The following CADPS2 variants were observed in gnomAD, a reference collection of about 807,000 sequenced individuals.
CADPS2 encodes calcium-dependent secretion activator 2.
CADPS2 carries 93 observed loss-of-function variants against 172.5 expected under a neutral mutation model. The observed-to-expected ratio is 0.54, with a 90% confidence interval of 0.46 to 0.64. CADPS2 has a LOEUF of 0.64. Ranked by LOEUF, CADPS2 falls within the 30% of genes least tolerant of loss-of-function variation. The pLI is 0.00. For synonymous variants in CADPS2, 546 were observed against 555.2 expected (o/e 0.98, Z 0.23); for missense variants, 1,420 against 1,565.9 (o/e 0.91, Z 1.57).
chr7:122,826,126 G>C (rs13245411), intron 1 of CADPS2, among the ~76,000 whole-genome samples: 28,496 of 151,992 alleles, frequency 0.19, 2,797 homozygotes, highest in Middle Eastern at 0.27. Context: ...GTGGAGAGTA[G>C]CGACTTTCAT....
At chr7:122,859,004 TA>T (rs944182499) in intron 1 of CADPS2, among the ~76,000 whole-genome samples, 9 of 151,670 alleles carry the variant, frequency 5.9e-5, no homozygotes, top group East Asian at 3.8e-4. Flanking sequence ...GCCAGGCATA[TA>T]AAAAAAAATT....
chr7:122,367,744 A>G (rs2041158969), intron 25 of CADPS2, among the ~76,000 whole-genome samples: 1 of 142,884 alleles, frequency 7.0e-6, no homozygotes, highest in East Asian at 2.0e-4. Context: ...TTTTTGCTTA[A>G]AACAATAAAA....
At chr7:122,732,662 TAA>T (rs940340877) in intron 2 of CADPS2, among the ~76,000 whole-genome samples, 3 of 145,744 alleles carry the variant, frequency 2.1e-5, no homozygotes, top group Non-Finnish European at 4.5e-5. Context: ...TATTTGTGTA[TAA>T]TATATATTAT....
At chr7:122,461,196 G>A (rs186362194) in intron 14 of CADPS2, among the ~76,000 whole-genome samples, 6 of 152,266 alleles carry the variant, frequency 3.9e-5, no homozygotes, top group East Asian at 1.9e-4. Flanking sequence ...GGAAAAATAC[G>A]TAGATAGAAT....
At chr7:122,385,568 A>G (rs1295568577) in intron 24 of CADPS2, among the ~76,000 whole-genome samples, 2 of 152,074 alleles carry the variant, frequency 1.3e-5, no homozygotes, top group African/African-American at 4.8e-5. Flanking sequence ...ATTCTAACTC[A>G]CGACAAAAAA....
intron 27 of CADPS2, among the ~76,000 whole-genome samples, chr7:122,352,347 A>G (rs971835188): frequency 6.6e-6 from 1 of 152,176 alleles, no homozygotes; most frequent in Non-Finnish European, 1.5e-5. Flanking sequence ...ATGCTGCATT[A>G]TTTCATTTTT....
chr7:122,474,234 C>T, intron 13 of CADPS2, 147 bp downstream of exon 13: 1 of 822,856 alleles, frequency 1.2e-6, no homozygotes. Context: ...TTATCCCTCA[C>T]TCCCACTACC....
chr7:122,588,914 G>T (rs1389577682), intron 6 of CADPS2, among the ~76,000 whole-genome samples: 1 of 151,970 alleles, frequency 6.6e-6, no homozygotes, highest in Admixed American at 6.6e-5. Context: ...GATCAGAAAG[G>T]CCTGATGGTA....
intron 2 of CADPS2, among the ~76,000 whole-genome samples, chr7:122,674,384 A>G (rs763130987): frequency 1.3e-5 from 2 of 152,142 alleles, no homozygotes; most frequent in African/African-American, 4.8e-5. Flanking sequence ...GTCACCTTTC[A>G]CTATGTATGT....
chr7:122,562,267 C>T (rs1234806123), intron 7 of CADPS2, among the ~76,000 whole-genome samples: 4 of 152,116 alleles, frequency 2.6e-5, no homozygotes, highest in Non-Finnish European at 2.9e-5. Flanking sequence ...GGCAATTATT[C>T]ACCTATCCAG....
At chr7:122,865,095 C>T (rs1197014973) in intron 1 of CADPS2, among the ~76,000 whole-genome samples, 1 of 152,066 alleles carries the variant, frequency 6.6e-6, no homozygotes, top group South Asian at 2.1e-4. Context: ...AGGGAGTTCT[C>T]ACTCTGTTAG....
At chr7:122,601,483 A>G (rs1335415215) in intron 6 of CADPS2, among the ~76,000 whole-genome samples, 3 of 152,014 alleles carry the variant, frequency 2.0e-5, no homozygotes, top group African/African-American at 7.2e-5. Context: ...CTAATTCTTC[A>G]TTTTTATTTT....
chr7:122,372,193 T>C (rs1192287268), intron 25 of CADPS2, among the ~76,000 whole-genome samples: 1 of 152,166 alleles, frequency 6.6e-6, no homozygotes, highest in Non-Finnish European at 1.5e-5. Flanking sequence ...GAGTTGAAAT[T>C]TGAACCCAGG....
At chr7:122,360,402 C>G (rs911412610) in intron 27 of CADPS2, among the ~76,000 whole-genome samples, 13 of 152,280 alleles carry the variant, frequency 8.5e-5, no homozygotes, top group African/African-American at 2.6e-4. Context: ...AATTCTTTAA[C>G]TGGTTCATCT....
intron 6 of CADPS2, among the ~76,000 whole-genome samples, chr7:122,602,258 G>A (rs1303282171): frequency 6.6e-6 from 1 of 151,788 alleles, no homozygotes; most frequent in Non-Finnish European, 1.5e-5. Context: ...TGAGATGGGA[G>A]GTGTAGGGCA....
chr7:122,791,133 C>T (rs145401866), intron 1 of CADPS2, among the ~76,000 whole-genome samples: 6 of 152,082 alleles, frequency 3.9e-5, no homozygotes, highest in East Asian at 3.9e-4. Context: ...ATCAACGGCG[C>T]GAGGAAAAGT....
chr7:122,614,760 T>C (rs1369924237), intron 6 of CADPS2, among the ~76,000 whole-genome samples: 1 of 152,202 alleles, frequency 6.6e-6, no homozygotes, highest in Non-Finnish European at 1.5e-5. Flanking sequence ...TTCCAAGTCA[T>C]TGTGCAGAAT....
intron 9 of CADPS2, among the ~76,000 whole-genome samples, chr7:122,507,551 A>G (rs2059698517): frequency 6.6e-6 from 1 of 152,144 alleles, no homozygotes; most frequent in Non-Finnish European, 1.5e-5. Flanking sequence ...TAACTATTCA[A>G]AGAGGAAGCT....
At chr7:122,375,532 CAAAAGAAT>C (rs1404004908) in intron 25 of CADPS2, among the ~76,000 whole-genome samples, 1 of 151,816 alleles carries the variant, frequency 6.6e-6, no homozygotes. Flanking sequence ...TGTACACATA[CAAAAGAAT>C]AAAAGAATAA....
Sources: gnomAD v4.1 joint callset for allele counts (sites outside exome capture counted in the v4.1 genomes callset) on GRCh38, gnomAD v4.1.1 for gene constraint, MANE v1.5 for transcripts, NCBI Gene and HGNC (gene_info 2026-07-23, HGNC 2026-07-21) for gene names.